The following SPICE1 variants were observed in gnomAD, a reference collection of about 807,000 sequenced individuals.
The protein encoded by SPICE1 is spindle and centriole-associated protein 1.
SPICE1 carries 75 observed loss-of-function variants against 102.7 expected under a neutral mutation model. The observed-to-expected ratio is 0.73, with a 90% CI of 0.61 to 0.88. The LOEUF (loss-of-function observed/expected upper bound fraction) is 0.88, where lower values mean the gene tolerates loss of function less well. Among genes scored for constraint, SPICE1 ranks in the 40% least tolerant of loss-of-function variants. The pLI, the probability that SPICE1 is intolerant of heterozygous loss-of-function variation, is 0.00. For missense variants in SPICE1, 979 were observed against 1,020.1 expected (o/e 0.96, Z 0.55); for synonymous variants, 308 against 350.3 (o/e 0.88, Z 1.35).
Position 113,493,228 on chromosome 3 carries a change from T to C in SPICE1, c.470A>G (p.Asn157Ser). ...TACCTGAGGTTCTATGACAGACTCA[T>C]TAAAGATAGATTGGGTGATAGGGTC... is the stretch of plus-strand genomic sequence containing the variant. ...NQDPITQSIFNESVIEPQALN... is the reference protein window; with the variant it reads ...NQDPITQSIFSESVIEPQALN... Residue 157 changes from asparagine (N) to serine (S), a missense_variant, in exon 6 of 18, where the codon AAT becomes AGT. By Grantham distance (46) the Asn-to-Ser change is conservative. Transcript: ENST00000295872. 1 of 1,609,256 alleles carries C rather than the reference T, an allele frequency of 6.2e-7. No homozygotes were observed. Among genetic ancestry groups the C allele is most frequent in the Non-Finnish European group, 8.5e-7 (1 of 1,178,072 alleles).
intron 7 of SPICE1, among the ~76,000 whole-genome samples, chr3:113,471,397 A>G (rs1275934046): frequency 2.0e-5 from 3 of 152,212 alleles, no homozygotes; most frequent in Admixed American, 2.0e-4. Context: ...TGAAGACAAG[A>G]GGCAGAGATT....
intron 11 of SPICE1, among the ~76,000 whole-genome samples, chr3:113,461,747 C>CAT (rs555359157): frequency 1.6e-4 from 24 of 152,186 alleles, no homozygotes; most frequent in Admixed American, 1.4e-3. Flanking sequence ...TCTATCTAAG[C>CAT]ATATATATAT....
At chr3:113,505,454 C>T (rs185026348) in intron 2 of SPICE1, among the ~76,000 whole-genome samples, 1 of 152,232 alleles carries the variant, frequency 6.6e-6, no homozygotes, top group African/African-American at 2.4e-5. Context: ...GTCAGTTTGC[C>T]CAGGATATCT....
chr3:113,479,099 G>A (rs565387678), intron 7 of SPICE1, among the ~76,000 whole-genome samples: 128 of 149,988 alleles, frequency 8.5e-4, no homozygotes, highest in African/African-American at 1.8e-3. Context: ...AGCATTAGGT[G>A]TATCTCCTAA....
intron 7 of SPICE1, among the ~76,000 whole-genome samples, chr3:113,481,703 T>C (rs888662575): frequency 2.0e-5 from 3 of 152,170 alleles, no homozygotes. Flanking sequence ...TTGCTGAGAA[T>C]TATGGTTTCC....
chr3:113,458,410 C>T (rs902958333), intron 12 of SPICE1, among the ~76,000 whole-genome samples: 10 of 152,334 alleles, frequency 6.6e-5, no homozygotes, highest in Admixed American at 1.3e-4. Context: ...GACGGGGTTT[C>T]GCCGTGTTGG....
intron 6 of SPICE1, among the ~76,000 whole-genome samples, chr3:113,489,613 A>G (rs1467303940): frequency 6.6e-6 from 1 of 152,168 alleles, no homozygotes; most frequent in African/African-American, 2.4e-5. Flanking sequence ...TGGGAGGCCA[A>G]GGCAAGTGGA....
intron 3 of SPICE1, among the ~76,000 whole-genome samples, chr3:113,500,036 T>A (rs1449825833): frequency 2.0e-5 from 3 of 152,018 alleles, no homozygotes; most frequent in Non-Finnish European, 4.4e-5. Context: ...ACTCATTTCA[T>A]GATCATCACA....
At chr3:113,460,560 TTA>T in intron 12 of SPICE1, 55 bp downstream of exon 12, 1 of 1,537,144 alleles carries the variant, frequency 6.5e-7, no homozygotes, top group South Asian at 1.3e-5. Context: ...GTTTGGTTTG[TTA>T]TCTAAGGCCA....
At chr3:113,447,652 T>C (rs954738005) in intron 16 of SPICE1, among the ~76,000 whole-genome samples, 2 of 152,166 alleles carry the variant, frequency 1.3e-5, no homozygotes, top group African/African-American at 4.8e-5. Flanking sequence ...AGTGTCACTA[T>C]TTACCAATCA....
In SPICE1 at chr3:113,507,746, T is replaced by C. The variant is rs1188294315; in HGVS notation, c.1-1141A>G. 6.6e-5 allele frequency among the ~76,000 whole-genome samples: 10 copies of C among 152,330 alleles called. No homozygotes were observed. The South Asian group carries it at 2.1e-3, about 32-fold the overall frequency. On this transcript the variant is annotated intron_variant, in intron 1 of 17. Transcript: ENST00000295872. Reference sequence around the variant, plus strand: ...GGTAATGATGGCATCAGCTAACAGATACCGTGTGCTTACTATAAGCCAGAT... The same window carrying C: ...GGTAATGATGGCATCAGCTAACAGACACCGTGTGCTTACTATAAGCCAGAT...
At chr3:113,467,156 T>C (rs963069438) in intron 10 of SPICE1, among the ~76,000 whole-genome samples, 1 of 152,210 alleles carries the variant, frequency 6.6e-6, no homozygotes, top group African/African-American at 2.4e-5. Flanking sequence ...TCCTTAAACA[T>C]TTTTGTCATA....
chr3:113,502,808 T>C (rs1284223950), intron 3 of SPICE1, among the ~76,000 whole-genome samples: 1 of 151,590 alleles, frequency 6.6e-6, no homozygotes. Context: ...GGCTCAGACA[T>C]GGAAATACAC....
At chr3:113,505,938 C>T (rs1228677415) in intron 2 of SPICE1, among the ~76,000 whole-genome samples, 1 of 152,070 alleles carries the variant, frequency 6.6e-6, no homozygotes, top group East Asian at 1.9e-4. Context: ...CTTGGTAACA[C>T]CAGGCAATAT....
At chr3:113,476,644 A>T (rs908579240) in intron 7 of SPICE1, among the ~76,000 whole-genome samples, 5 of 150,090 alleles carry the variant, frequency 3.3e-5, no homozygotes, top group Non-Finnish European at 5.9e-5. Flanking sequence ...ATCTACAACT[A>T]TCTGATCTTT....
chr3:113,488,867 A>AC, intron 7 of SPICE1, 78 bp downstream of exon 7: 1 of 785,850 alleles, frequency 1.3e-6, no homozygotes, highest in Non-Finnish European at 2.1e-6. Flanking sequence ...TTTAATAAAA[A>AC]ATGATGCAAT....
intron 14 of SPICE1, among the ~76,000 whole-genome samples, chr3:113,451,966 C>T (rs935912856): frequency 1.1e-4 from 17 of 152,148 alleles, no homozygotes; most frequent in African/African-American, 3.9e-4. Context: ...AGCCACCTCA[C>T]GAGCTTCTAA....
intron 11 of SPICE1, among the ~76,000 whole-genome samples, chr3:113,461,311 CTA>C (rs1265724972): frequency 6.6e-6 from 1 of 150,378 alleles, no homozygotes; most frequent in African/African-American, 2.4e-5. Context: ...TCATCTTTGT[CTA>C]TATGTGTGTG....
intron 11 of SPICE1, among the ~76,000 whole-genome samples, chr3:113,462,327 C>T (rs531795607): frequency 1.3e-5 from 2 of 152,126 alleles, no homozygotes; most frequent in Non-Finnish European, 2.9e-5. Flanking sequence ...ACAGGGGCAC[C>T]GGGGAAAATT....
Sources: allele counts gnomAD v4.1 joint callset (sites outside exome capture counted in the v4.1 genomes callset), GRCh38; gene constraint gnomAD v4.1.1; transcripts MANE v1.5; gene names NCBI Gene and HGNC (gene_info 2026-07-23, HGNC 2026-07-21).